RBFOX1: variants seen among roughly 807,000 people sequenced by gnomAD.
RBFOX1 encodes RNA binding fox-1 homolog 1, also known as RNA binding protein fox-1 homolog 1.
Under a neutral mutation model 57.7 loss-of-function variants are expected in RBFOX1, and 8 were observed. That is an observed-to-expected ratio of 0.14 (90% CI 0.08 to 0.25). RBFOX1 has a LOEUF of 0.25. Among genes scored for constraint, RBFOX1 ranks in the 10% least tolerant of loss-of-function variants. RBFOX1 has a pLI of 1.00. For synonymous variants in RBFOX1, 326 were observed against 222.4 expected, an observed-to-expected ratio of 1.47 and a Z score of -4.15; for missense variants, 611 against 548.5, an observed-to-expected ratio of 1.11 and a Z score of -1.14.
At chr16:7,268,799 C>T in intron 4 of RBFOX1, among the ~76,000 whole-genome samples, 2 of 151,790 alleles carry the variant, frequency 1.3e-5, no homozygotes, top group Non-Finnish European at 2.9e-5. Flanking sequence ...TTTGGGAGGC[C>T]GAGGTGGGTG....
chr16:7,292,531 T>TACAC (rs35731542), intron 4 of RBFOX1, among the ~76,000 whole-genome samples: 1,415 of 139,044 alleles, frequency 0.01, 21 homozygotes, highest in Middle Eastern at 0.044. Context: ...ACTATATGTA[T>TACAC]ACACACACAC....
Position 7,062,892 on chromosome 16 carries a change from CATTTTTTTTTTTTTTTTTTTTT to C in RBFOX1, c.27+10795_27+10816del, listed in dbSNP as rs1257793207. 1.3e-4 allele frequency among the ~76,000 whole-genome samples: 8 copies of C among 59,932 alleles called. No homozygotes were observed. The Admixed American group carries it at 1.7e-3, about 12-fold the overall frequency. 39.3% of individuals were successfully genotyped at this position (59,932 alleles called of 152,430 possible). On this transcript the variant is annotated intron_variant, in intron 4 of 15. Transcript: ENST00000550418. The stretch of plus-strand genomic sequence containing the variant: ...TACCTCATCTCATTCAAATGATCGC[CATTTTTTTTTTTTTTTTTTTTT>C]TTTTTTTTTTTTTTGCTGAAGTTAG...
intron 3 of RBFOX1, among the ~76,000 whole-genome samples, chr16:5,835,060 C>T (rs999643549): frequency 7.2e-5 from 11 of 152,126 alleles, no homozygotes; most frequent in Admixed American, 5.2e-4. Flanking sequence ...GCAGATGAAT[C>T]CTGCTTTTTG....
chr16:6,332,901 G>A (rs191912783), intron 2 of RBFOX1, among the ~76,000 whole-genome samples: 45 of 152,204 alleles, frequency 3.0e-4, no homozygotes, highest in African/African-American at 9.1e-4. Context: ...GAACATAGAT[G>A]ATCAATATAT....
intron 3 of RBFOX1, among the ~76,000 whole-genome samples, chr16:6,998,690 A>G (rs763539980): frequency 7.2e-5 from 11 of 152,074 alleles, no homozygotes; most frequent in Non-Finnish European, 1.5e-4. Context: ...CCAAGAATGA[A>G]GGATGTTTGA....
chr16:6,566,632 T>G (rs2097270414), intron 2 of RBFOX1, among the ~76,000 whole-genome samples: 1 of 152,178 alleles, frequency 6.6e-6, no homozygotes, highest in Non-Finnish European at 1.5e-5. Context: ...CTGATAGGTA[T>G]TCATTTTGAC....
At chr16:6,305,665 G>C (rs1190904389) in intron 1 of RBFOX1, among the ~76,000 whole-genome samples, 1 of 145,502 alleles carries the variant, frequency 6.9e-6, no homozygotes, top group African/African-American at 2.5e-5. Context: ...TTTTTTTCCT[G>C]TATTACCTCA....
At chr16:5,840,989 A>C (rs999801050) in intron 3 of RBFOX1, among the ~76,000 whole-genome samples, 8 of 152,158 alleles carry the variant, frequency 5.3e-5, no homozygotes, top group African/African-American at 1.9e-4. Flanking sequence ...CTCCTACAAC[A>C]GGGGAATCAG....
chr16:6,755,154 G>T (rs1018891902), intron 3 of RBFOX1, among the ~76,000 whole-genome samples: 4 of 152,128 alleles, frequency 2.6e-5, no homozygotes, highest in Non-Finnish European at 5.9e-5. Context: ...GGATAGTGCC[G>T]CAATAAACAT....
At chr16:6,005,619 C>T (rs2060679896) in intron 4 of RBFOX1, among the ~76,000 whole-genome samples, 2 of 152,188 alleles carry the variant, frequency 1.3e-5, no homozygotes, top group Non-Finnish European at 2.9e-5. Flanking sequence ...CTGGCCTCTA[C>T]CCACTGGATA....
intron 10 of RBFOX1, among the ~76,000 whole-genome samples, chr16:7,623,070 A>G (rs1423305348): frequency 6.6e-6 from 1 of 152,162 alleles, no homozygotes; most frequent in Non-Finnish European, 1.5e-5. Context: ...TTTGGCTTCT[A>G]AGTCCAAGAG....
intron 1 of RBFOX1, among the ~76,000 whole-genome samples, chr16:6,021,826 C>T (rs1311218641): frequency 6.6e-6 from 1 of 152,178 alleles, no homozygotes; most frequent in East Asian, 1.9e-4. Flanking sequence ...AGTCGTAGTT[C>T]TGTCCTCAGA....
chr16:5,398,276 GGT>G (rs1008529934), intron 1 of RBFOX1, among the ~76,000 whole-genome samples: 6 of 151,592 alleles, frequency 4.0e-5, no homozygotes, highest in African/African-American at 1.2e-4. Context: ...TGCACGTGCT[GGT>G]GTGTGTGCAT....
At chr16:5,472,962 A>G (rs1158911965) in intron 2 of RBFOX1, among the ~76,000 whole-genome samples, 1 of 152,122 alleles carries the variant, frequency 6.6e-6, no homozygotes, top group Non-Finnish European at 1.5e-5. Flanking sequence ...TTATCAGACT[A>G]TGTCCAGACA....
At position 5,944,790 on chromosome 16, in the gene RBFOX1, TA is replaced by T. The variant is rs60749168; in HGVS notation, c.351+77474del. ...CAACTTGGTGAAACCCTGTCTCTGC[TA>T]AAAAAAAAAAAAAAAAAATTAGCTG... is the stretch of plus-strand genomic sequence containing the variant. On this transcript the variant is annotated intron_variant, in intron 4 of 19. Coordinates refer to the RBFOX1 transcript ENST00000641259. 1.5e-3 allele frequency among the ~76,000 whole-genome samples: 61 copies of T among 41,256 alleles called. 2 individuals are homozygous for T. Among genetic ancestry groups the T allele is most frequent in the Admixed American group, 1.5e-3 (5 of 3,264 alleles). 27.1% of individuals were successfully genotyped at this position (41,256 alleles called of 152,430 possible). A position where few individuals can be genotyped will look rare whatever the true frequency, so the allele number is the denominator to read the frequency against.
rs58578302 is a variant in RBFOX1, at chr16:6,955,689, G to GTATTTATTTATT, written c.-15-96350_-15-96339dup. ...CCACTTTATTTATTTAGGTATGTAT[G>GTATTTATTTATT]TATTTATTTATTTATTTATTTATTT... On this transcript the variant is annotated intron_variant, in intron 3 of 15. Coordinates refer to ENST00000550418, the MANE Select transcript of RBFOX1 (RefSeq NM_018723.4). Among the ~76,000 whole-genome samples, 405 of 118,712 alleles carry GTATTTATTTATT rather than the reference G, an allele frequency of 3.4e-3. 2 individuals are homozygous for GTATTTATTTATT. Among genetic ancestry groups the GTATTTATTTATT allele is most frequent in the African/African-American group, 8.9e-3 (313 of 35,232 alleles). The allele number at this position is 118,712 out of a possible 152,430, so 77.9% of individuals were successfully genotyped here. A position where few individuals can be genotyped will look rare whatever the true frequency, so the allele number is the denominator to read the frequency against.
At chr16:5,876,297 A>T (rs1364680431) in intron 4 of RBFOX1, among the ~76,000 whole-genome samples, 1 of 120,980 alleles carries the variant, frequency 8.3e-6, no homozygotes, top group Non-Finnish European at 1.8e-5. Flanking sequence ...TTTCATCCTC[A>T]CAATATAACC....
At chr16:5,860,100 T>C (rs528357773) in intron 3 of RBFOX1, among the ~76,000 whole-genome samples, 1 of 152,270 alleles carries the variant, frequency 6.6e-6, no homozygotes, top group Admixed American at 6.5e-5. Flanking sequence ...TCTTTTTTTT[T>C]GTGATGGAGT....
intron 3 of RBFOX1, among the ~76,000 whole-genome samples, chr16:5,677,297 C>G (rs551508770): frequency 1.3e-5 from 2 of 152,326 alleles, no homozygotes; most frequent in South Asian, 2.1e-4. Context: ...AGGCAAGTTT[C>G]CAGTGTGAAA....
Sources: allele counts gnomAD v4.1 joint callset (sites outside exome capture counted in the v4.1 genomes callset), GRCh38; gene constraint gnomAD v4.1.1; transcripts MANE v1.5; gene names NCBI Gene and HGNC (gene_info 2026-07-23, HGNC 2026-07-21).